ADGRB1: variants seen among roughly 807,000 people sequenced by gnomAD.
ADGRB1 encodes the protein brain-specific angiogenesis inhibitor 1.
In ADGRB1, 36 loss-of-function variants were observed where a neutral mutation model predicts 175.7. The observed-to-expected ratio is 0.20, with a 90% CI of 0.16 to 0.27. The LOEUF is 0.27. ADGRB1 is among the 10% of genes least tolerant of loss of function. The pLI, the probability that ADGRB1 is intolerant of heterozygous loss-of-function variation, is 1.00. For synonymous variants in ADGRB1, 1,054 were observed against 979.4 expected, an observed-to-expected ratio of 1.08 and a Z score of -1.42; for missense variants, 1,731 against 2,255.3, an observed-to-expected ratio of 0.77 and a Z score of 4.71.
intron 23 of ADGRB1, 130 bp downstream of exon 23, chr8:142,524,434 C>A: frequency 9.5e-7 from 1 of 1,054,142 alleles, no homozygotes; most frequent in Non-Finnish European, 1.4e-6. Context: ...TCATGGCCCT[C>A]ATCACCAGGG....
Position 142,511,456 on chromosome 8 carries a change from C to T in ADGRB1, c.2817+383C>T, listed in dbSNP as rs1587378400. On this transcript the variant is annotated intron_variant, in intron 18 of 30. Coordinates refer to ENST00000517894, the MANE Select transcript of ADGRB1 (RefSeq NM_001702.3). This position sits in a 1 kb window ranked among gnomAD's most constrained non-coding sequence, Gnocchi z 4.5. Reference sequence around the variant, plus strand: ...TGGAGGGGCTACCCTTTCCCTTGGTCCTCTCCGCCTGCCAGGGAGAGGGAG... The same window carrying T: ...TGGAGGGGCTACCCTTTCCCTTGGTTCTCTCCGCCTGCCAGGGAGAGGGAG... Among the ~76,000 whole-genome samples the T allele has an allele frequency of 6.6e-6, 1 of 152,082 alleles. No homozygotes were observed. Among genetic ancestry groups the T allele is most frequent in the Admixed American group, 6.5e-5 (1 of 15,288 alleles).
intron 20 of ADGRB1, among the ~76,000 whole-genome samples, chr8:142,521,423 A>G (rs1843841377): frequency 1.3e-5 from 2 of 152,114 alleles, no homozygotes; most frequent in South Asian, 4.1e-4. Flanking sequence ...ATCCCACTAA[A>G]TGTGGCAGGT....
At chr8:142,524,606 G>T (rs935125010) in intron 23 of ADGRB1, among the ~76,000 whole-genome samples, 1 of 152,222 alleles carries the variant, frequency 6.6e-6, no homozygotes, top group Non-Finnish European at 1.5e-5. Context: ...TGAGTGAGTG[G>T]CATGGGAGGA....
At chr8:142,457,313 A>G (rs1839735858) in intron 1 of ADGRB1, among the ~76,000 whole-genome samples, 1 of 152,152 alleles carries the variant, frequency 6.6e-6, no homozygotes, top group East Asian at 1.9e-4. Context: ...GGGTCAGATG[A>G]AGGTCTGTGT....
At chr8:142,462,249 G>A (rs533847468) in intron 1 of ADGRB1, among the ~76,000 whole-genome samples, 4 of 152,318 alleles carry the variant, frequency 2.6e-5, no homozygotes, top group African/African-American at 9.6e-5. Context: ...CAGAGGGCCA[G>A]GTTGGGCCAT....
chr8:142,505,390 C>T (rs896774612), intron 17 of ADGRB1, among the ~76,000 whole-genome samples: 3 of 152,254 alleles, frequency 2.0e-5, no homozygotes, highest in East Asian at 3.9e-4. Context: ...GGGGGCTGCC[C>T]GAGCAGGGCT....
At chr8:142,459,597 T>C (rs1438888280) in intron 1 of ADGRB1, among the ~76,000 whole-genome samples, 1 of 152,236 alleles carries the variant, frequency 6.6e-6, no homozygotes, top group Non-Finnish European at 1.5e-5. Context: ...AAGCCCAGGC[T>C]GTCCCACAGC....
chr8:142,502,201 A>ATGATGAC (rs1842611276), intron 17 of ADGRB1, among the ~76,000 whole-genome samples: 3 of 19,348 alleles, frequency 1.6e-4, no homozygotes, highest in South Asian at 1.9e-3. Context: ...ATGACAGTGG[A>ATGATGAC]GGTGGTGGTG....
chr8:142,517,346 C>T (rs1011995631), intron 18 of ADGRB1, among the ~76,000 whole-genome samples: 3 of 152,202 alleles, frequency 2.0e-5, no homozygotes, highest in Middle Eastern at 3.2e-3. Flanking sequence ...TTATTCAGGT[C>T]ACCCCGGCAC....
rs369563409 is a variant in ADGRB1 at position 142,502,322 on chromosome 8, G to A, written c.2676-8610G>A. 1.6e-3 allele frequency among the ~76,000 whole-genome samples: 187 copies of A among 120,632 alleles called. 1 individual carries two copies. Among genetic ancestry groups the A allele is most frequent in the Middle Eastern group, 5.2e-3 (1 of 194 alleles). The allele number at this position is 120,632 out of a possible 152,430, so 79.1% of individuals were successfully genotyped here. ...ATGACAGTGGTGATGGTGATGGTGG[G>A]GTAGTGATGGTGATGGTGGTGGTGA... is the stretch of plus-strand genomic sequence containing the variant. On this transcript the variant is annotated intron_variant, in intron 17 of 30. Transcript: ENST00000517894.
chr8:142,537,588 G>C lies in ADGRB1; in HGVS notation c.3666+506G>C, dbSNP rs1845009561. On this transcript the variant is annotated intron_variant, in intron 26 of 30. Coordinates refer to ENST00000517894, the MANE Select transcript of ADGRB1 (RefSeq NM_001702.3). The surrounding 1 kb of genome is among the most constrained non-coding windows in gnomAD (Gnocchi z 4.6). ...GCCCAGTCCTCAGCCCCTGCAGGGTGACTCTCCCTTGTGGCCCCTGGCCAT... is the reference window on the plus strand; with the variant it reads ...GCCCAGTCCTCAGCCCCTGCAGGGTCACTCTCCCTTGTGGCCCCTGGCCAT... 6.6e-6 allele frequency among the ~76,000 whole-genome samples: 1 copy of C among 151,958 alleles called. No homozygotes were observed. Among genetic ancestry groups the C allele is most frequent in the South Asian group, 2.1e-4 (1 of 4,822 alleles).
At chr8:142,503,381 G>A (rs546515820) in intron 17 of ADGRB1, among the ~76,000 whole-genome samples, 101 of 152,202 alleles carry the variant, frequency 6.6e-4, no homozygotes, top group African/African-American at 2.4e-3. Flanking sequence ...TACAGGGCCT[G>A]GCACAGGCCA....
Position 142,524,310 on chromosome 8 carries a change from G to A in ADGRB1, c.3312+6G>A, listed in dbSNP as rs770985481. 6 of 1,591,160 alleles carry A rather than the reference G, an allele frequency of 3.8e-6. No individual in the cohort carries two copies. In the African/African-American group the frequency reaches 5.4e-5, roughly 14 times the overall value. On this transcript the variant is annotated splice_donor_region_variant and intron_variant, in intron 23 of 30. Coordinates refer to ENST00000517894, the MANE Select transcript of ADGRB1 (RefSeq NM_001702.3). ...CTGCCGCTGCCGTTGTGCTGGTACT[G>A]ACCCGCCCAGGCCCCACTCCCCACG... is the stretch of plus-strand genomic sequence containing the variant.
rs1840911740 is a variant in ADGRB1 at position 142,475,513 on chromosome 8, G to A, written c.824G>A (p.Arg275Gln). ...TGGTCCCTGTGGGGCGAATGCACGC[G>A]GGACTGCGGGGGAGGCCTCCAGACG... The part of the protein sequence containing the change: ...KLWSLWGECT[R>Q]DCGGGLQTRT... The change falls in exon 3 of 31, where the codon CGG (arginine) becomes CAG (glutamine). Residue 275 changes from arginine to glutamine, a missense_variant. Physicochemically the swap from Arg to Gln is conservative, Grantham distance 43. Coordinates refer to ENST00000517894, the MANE Select transcript of ADGRB1 (RefSeq NM_001702.3). 2 of 1,294,240 alleles carry A rather than the reference G, an allele frequency of 1.5e-6. No individual in the cohort carries two copies. The highest frequency in any genetic ancestry group is 1.5e-5 in the African/African-American group (1 of 66,308). The allele number at this position is 1,294,240 out of a possible 1,614,324, so 80.2% of individuals were successfully genotyped here. A position where few individuals can be genotyped will look rare whatever the true frequency, so the allele number is the denominator to read the frequency against.
At chr8:142,452,475 G>A (rs531524180) in intron 1 of ADGRB1, among the ~76,000 whole-genome samples, 1 of 152,324 alleles carries the variant, frequency 6.6e-6, no homozygotes, top group South Asian at 2.1e-4. Flanking sequence ...GGAGCCCTCG[G>A]AGGCCCTTCC....
Position 142,542,394 on chromosome 8 carries a change from G to A in ADGRB1, c.4160G>A (p.Ser1387Asn). Residue 1387 changes from serine (S) to asparagine (N), a missense_variant, in exon 28 of 31, where the codon AGC (serine) becomes AAC (asparagine). Transcript: ENST00000517894. The surrounding 1 kb of genome is among the most constrained non-coding windows in gnomAD (Gnocchi z 6.3). ...CACCTCAGCACGGCCCCCGAGGCCA[G>A]CCTCCCCGCCCGCAGCCCGCCCTCC... ...LIHLSTAPEASLPARSPPSRQ... is the reference protein window; with the variant it reads ...LIHLSTAPEANLPARSPPSRQ... 1 of 1,550,902 alleles carries A rather than the reference G, an allele frequency of 6.4e-7. No individual in the cohort carries two copies. Among genetic ancestry groups the A allele is most frequent in the Non-Finnish European group, 8.7e-7 (1 of 1,149,164 alleles).
rs75777031 is a variant in ADGRB1 at position 142,532,615 on chromosome 8, T to C, written c.3399-680T>C. Among the ~76,000 whole-genome samples the C allele has an allele frequency of 3.8e-3, 579 of 152,218 alleles. 28 individuals are homozygous for C. In the East Asian group the frequency reaches 0.092, roughly 24 times the overall value. On this transcript the variant is annotated intron_variant, in intron 24 of 30. Transcript: ENST00000517894. The stretch of plus-strand genomic sequence containing the variant: ...CCGTCTGTCTCTGTCTCTCCTCTGC[T>C]CCTCCCCTGCTGGCCTTGGCCGTCT...
intron 13 of ADGRB1, among the ~76,000 whole-genome samples, chr8:142,486,304 C>T (rs765163830): frequency 3.1e-4 from 47 of 152,282 alleles, no homozygotes; most frequent in African/African-American, 1.1e-3. Flanking sequence ...TAATCCCTCC[C>T]GACTGTCAGA....
chr8:142,526,517 AC>A, intron 23 of ADGRB1, 24 bp from the exon 24 acceptor site: 1 of 732,980 alleles, frequency 1.4e-6, no homozygotes, highest in Non-Finnish European at 2.1e-6. Context: ...CCACCCCCAC[AC>A]CCCCACCACT....
Sources: allele counts gnomAD v4.1 joint callset (sites outside exome capture counted in the v4.1 genomes callset), GRCh38; gene constraint gnomAD v4.1.1; non-coding constraint Gnocchi (gnomAD v3.1); transcripts MANE v1.5; gene names NCBI Gene and HGNC (gene_info 2026-07-23, HGNC 2026-07-21).